ST6GALNAC5: variants seen among roughly 807,000 people sequenced by gnomAD.
ST6GALNAC5 encodes the protein alpha-N-acetylgalactosaminide alpha-2,6-sialyltransferase 5.
Under a neutral mutation model 33.6 loss-of-function variants are expected in ST6GALNAC5, and 27 were observed. That is an observed-to-expected ratio of 0.80 (90% confidence interval 0.59 to 1.11). The LOEUF (loss-of-function observed/expected upper bound fraction) is 1.11. Ranked by LOEUF, ST6GALNAC5 falls within the 50% of genes least tolerant of loss-of-function variation. The pLI, the probability that ST6GALNAC5 is intolerant of heterozygous loss-of-function variation, is 0.00. For missense variants in ST6GALNAC5, 428 were observed against 454.0 expected (o/e 0.94, Z 0.52); for synonymous variants, 194 against 171.2 (o/e 1.13, Z -1.04).
rs371245529 is a variant in ST6GALNAC5, at chr1:77,048,931, G to C, written c.672-1327G>C. Among the ~76,000 whole-genome samples, 104 of 138,386 alleles carry C rather than the reference G, an allele frequency of 7.5e-4. 1 individual carries two copies. Among genetic ancestry groups the C allele is most frequent in the African/African-American group, 3.0e-3 (103 of 34,540 alleles). The allele number at this position is 138,386 out of a possible 152,430, so 90.8% of individuals were successfully genotyped here. A position where few individuals can be genotyped will look rare whatever the true frequency, so the allele number is the denominator to read the frequency against. ...CATCCAGCTGGTTATGATAGAAACA[G>C]GTAAGATTCAGCCCACTTATTCCCA... is the stretch of plus-strand genomic sequence containing the variant. On this transcript the variant is annotated intron_variant, in intron 3 of 4. Transcript: ENST00000477717.
intron 2 of ST6GALNAC5, among the ~76,000 whole-genome samples, chr1:77,025,629 C>T (rs972256836): frequency 2.0e-5 from 3 of 152,040 alleles, no homozygotes; most frequent in Non-Finnish European, 2.9e-5. Context: ...TTGGGTGGCC[C>T]GGAGGCTGTG....
intron 2 of ST6GALNAC5, among the ~76,000 whole-genome samples, chr1:77,005,815 C>T (rs894101623): frequency 3.3e-5 from 5 of 152,162 alleles, no homozygotes; most frequent in African/African-American, 9.7e-5. Context: ...TTGTCCTTTT[C>T]GATCTGGATT....
intron 2 of ST6GALNAC5, among the ~76,000 whole-genome samples, chr1:77,027,666 C>T (rs1018332253): frequency 6.6e-5 from 10 of 152,126 alleles, no homozygotes; most frequent in Admixed American, 1.3e-4. Context: ...GGGTTTCTGG[C>T]ATGGGAAGCC....
intron 2 of ST6GALNAC5, among the ~76,000 whole-genome samples, chr1:76,916,714 T>A (rs1646979695): frequency 6.6e-6 from 1 of 152,058 alleles, no homozygotes; most frequent in Admixed American, 6.6e-5. Context: ...AAAAAAACGA[T>A]TGTGTTTACC....
chr1:76,929,232 A>C (rs1259466043), intron 2 of ST6GALNAC5, among the ~76,000 whole-genome samples: 3 of 152,112 alleles, frequency 2.0e-5, no homozygotes, highest in Non-Finnish European at 4.4e-5. Context: ...TATTAAAAAA[A>C]AGTAAACTAA....
At position 76,970,195 on chromosome 1, in the gene ST6GALNAC5, G is replaced by A. The variant is rs577351704; in HGVS notation, c.262-74009G>A. On this transcript the variant is annotated intron_variant, in intron 2 of 4. Transcript: ENST00000477717. Reference sequence around the variant, plus strand: ...GCCAGCAACAGAACAAAGCTGGATGGAGAATGACTTAGAAGAGCTGACAGA... The same window carrying A: ...GCCAGCAACAGAACAAAGCTGGATGAAGAATGACTTAGAAGAGCTGACAGA... 3.3e-5 allele frequency among the ~76,000 whole-genome samples: 5 copies of A among 152,174 alleles called. No homozygotes were observed. The South Asian group carries it at 1.0e-3, about 32-fold the overall frequency.
At chr1:76,942,206 C>T (rs1647359191) in intron 2 of ST6GALNAC5, among the ~76,000 whole-genome samples, 1 of 152,112 alleles carries the variant, frequency 6.6e-6, no homozygotes, top group South Asian at 2.1e-4. Context: ...GGCCTTTTGT[C>T]TTCTAACCTG....
intron 2 of ST6GALNAC5, among the ~76,000 whole-genome samples, chr1:76,970,797 A>G (rs1399162656): frequency 6.6e-6 from 1 of 152,222 alleles, no homozygotes; most frequent in Non-Finnish European, 1.5e-5. Flanking sequence ...AGTATCATTA[A>G]GAATCATGTG....
At chr1:76,973,090 T>C (rs1648828553) in intron 2 of ST6GALNAC5, among the ~76,000 whole-genome samples, 3 of 152,154 alleles carry the variant, frequency 2.0e-5, no homozygotes, top group Admixed American at 2.0e-4. Context: ...AATTTTTTGA[T>C]GGGTAGGGTT....
chr1:77,052,917 C>CAAAA (rs34398611), intron 4 of ST6GALNAC5, among the ~76,000 whole-genome samples: 6 of 69,958 alleles, frequency 8.6e-5, no homozygotes, highest in African/African-American at 1.3e-4. Flanking sequence ...GGCTCTGTCT[C>CAAAA]AAAAAAAAAA....
intron 2 of ST6GALNAC5, among the ~76,000 whole-genome samples, chr1:76,907,550 T>C (rs1646875833): frequency 6.6e-6 from 1 of 152,192 alleles, no homozygotes; most frequent in Non-Finnish European, 1.5e-5. Flanking sequence ...AAAGCCCTGC[T>C]CCACAGTTTC....
chr1:76,979,654 T>C (rs188662870), intron 2 of ST6GALNAC5, among the ~76,000 whole-genome samples: 297 of 152,274 alleles, frequency 2.0e-3, no homozygotes, highest in African/African-American at 6.8e-3. Flanking sequence ...AGACTGGGCA[T>C]GGTAGCTCAT....
intron 2 of ST6GALNAC5, among the ~76,000 whole-genome samples, chr1:76,957,100 T>A (rs1026266274): frequency 3.3e-5 from 5 of 152,210 alleles, no homozygotes; most frequent in Admixed American, 2.6e-4. Context: ...TATATTAGTT[T>A]CCTGGGACTG....
chr1:77,028,529 T>C (rs1570113814), intron 2 of ST6GALNAC5, among the ~76,000 whole-genome samples: 1 of 152,228 alleles, frequency 6.6e-6, no homozygotes, highest in African/African-American at 2.4e-5. Context: ...TCAACCAACA[T>C]TTATTGAGTG....
chr1:77,035,373 G>T (rs1018793279), intron 2 of ST6GALNAC5, among the ~76,000 whole-genome samples: 1 of 152,098 alleles, frequency 6.6e-6, no homozygotes, highest in Non-Finnish European at 1.5e-5. Context: ...TTCACTTTGG[G>T]TTTACCTCTC....
At chr1:76,969,734 C>T (rs1648661422) in intron 2 of ST6GALNAC5, among the ~76,000 whole-genome samples, 2 of 152,146 alleles carry the variant, frequency 1.3e-5, no homozygotes, top group Non-Finnish European at 2.9e-5. Flanking sequence ...CAAGTGGGTC[C>T]CTGACCCCCG....
At chr1:76,912,194 T>A (rs1646921014) in intron 2 of ST6GALNAC5, among the ~76,000 whole-genome samples, 1 of 152,300 alleles carries the variant, frequency 6.6e-6, no homozygotes, top group African/African-American at 2.4e-5. Flanking sequence ...CCAGTAGTCA[T>A]TCAGGAGCAG....
chr1:77,015,282 G>A (rs1268310501), intron 2 of ST6GALNAC5, among the ~76,000 whole-genome samples: 2 of 152,172 alleles, frequency 1.3e-5, no homozygotes, highest in Non-Finnish European at 2.9e-5. Flanking sequence ...TTTAAGCACT[G>A]AGGCAGAAAA....
intron 2 of ST6GALNAC5, among the ~76,000 whole-genome samples, chr1:76,996,429 A>C (rs183142897): frequency 3.9e-5 from 6 of 152,352 alleles, no homozygotes; most frequent in Non-Finnish European, 8.8e-5. Context: ...AACAACTCAC[A>C]ATCTAATGCA....
Sources: gnomAD v4.1 joint callset for allele counts (sites outside exome capture counted in the v4.1 genomes callset) on GRCh38, gnomAD v4.1.1 for gene constraint, MANE v1.5 for transcripts, NCBI Gene and HGNC (gene_info 2026-07-23, HGNC 2026-07-21) for gene names.